MID1: variants seen among roughly 807,000 people sequenced by gnomAD.
MID1 encodes E3 ubiquitin-protein ligase Midline-1.
In MID1, 7 loss-of-function variants were observed where a neutral mutation model predicts 40.4. The ratio of observed to expected loss-of-function variants is 0.17; its 90% CI spans 0.10 to 0.33. The LOEUF (loss-of-function observed/expected upper bound fraction) is 0.33. Among genes scored for constraint, MID1 ranks in the 10% least tolerant of loss-of-function variants. MID1 has a pLI of 1.00. For synonymous variants in MID1, 229 were observed against 221.2 expected (o/e 1.04, Z -0.31); for missense variants, 367 against 558.5 (o/e 0.66, Z 3.46).
At chrX:10,581,272 AAAACAAAC>A (rs201915419) in intron 1 of MID1, among the ~76,000 whole-genome samples, 11 of 111,508 alleles carry the variant, frequency 9.9e-5, no homozygotes, top group Non-Finnish European at 1.5e-4. Context: ...ACAAAAACAA[AAAACAAAC>A]AAACAAACAA....
intron 1 of MID1, among the ~76,000 whole-genome samples, chrX:10,601,851 G>T (rs1297196973): frequency 9.1e-6 from 1 of 109,857 alleles, no homozygotes. Flanking sequence ...TATTCTGCTT[G>T]TTCCCTTTGG....
chrX:10,533,340 GAAA>G (rs1933063981), intron 2 of MID1, among the ~76,000 whole-genome samples: 2 of 60,549 alleles, frequency 3.3e-5, no homozygotes, highest in Non-Finnish European at 6.0e-5. Flanking sequence ...AAGAAAGAAA[GAAA>G]GAAAGAAAGA....
chrX:10,812,998 T>C (rs2044112415), intron 1 of MID1, among the ~76,000 whole-genome samples: 2 of 111,465 alleles, frequency 1.8e-5, no homozygotes, highest in Admixed American at 9.5e-5. Flanking sequence ...CTGAGTCTAC[T>C]GGGATAACAT....
intron 3 of MID1, 28 bp from the exon 4 acceptor site, chrX:10,495,719 T>C (rs1309381962): frequency 5.7e-6 from 6 of 1,048,013 alleles, no homozygotes; most frequent in Non-Finnish European, 6.7e-6. Context: ...TGGTAAGTGT[T>C]AATTTGGCCT....
At chrX:10,591,250 G>T (rs1304997895) in intron 1 of MID1, among the ~76,000 whole-genome samples, 2 of 111,975 alleles carry the variant, frequency 1.8e-5, no homozygotes, top group Non-Finnish European at 3.8e-5. Flanking sequence ...TTTCATTTTT[G>T]AAAAAACAAA....
intron 1 of MID1, among the ~76,000 whole-genome samples, chrX:10,780,067 G>T (rs1167819715): frequency 1.8e-5 from 2 of 110,193 alleles, no homozygotes; most frequent in East Asian, 5.7e-4. Context: ...CCAGGTTCAA[G>T]CGATTCTCCT....
At chrX:10,540,053 T>C (rs1429845082) in intron 2 of MID1, among the ~76,000 whole-genome samples, 1 of 111,985 alleles carries the variant, frequency 8.9e-6, no homozygotes, top group African/African-American at 3.2e-5. Context: ...ATATAAAAGT[T>C]AGCTGGCTGT....
intron 1 of MID1, among the ~76,000 whole-genome samples, chrX:10,613,732 T>TATATATATATAG (rs1482081086): frequency 3.4e-4 from 6 of 17,472 alleles, no homozygotes; most frequent in Admixed American, 8.9e-4. Flanking sequence ...TATATATATA[T>TATATATATATAG]AGAGAGAGAG....
chrX:10,619,450 G>A (rs1038834414), intron 1 of MID1, among the ~76,000 whole-genome samples: 17 of 112,612 alleles, frequency 1.5e-4, no homozygotes, highest in Non-Finnish European at 3.8e-5. Flanking sequence ...CCTTATATGA[G>A]TATTGTTCTT....
intron 2 of MID1, chrX:10,565,042 AAATT>A (rs1934476450): frequency 1.7e-5 from 4 of 241,473 alleles, no homozygotes; most frequent in Admixed American, 1.5e-4. Flanking sequence ...TGGTTTGTAA[AAATT>A]AATAGCCTTC....
intron 1 of MID1, among the ~76,000 whole-genome samples, chrX:10,785,881 T>C (rs1314937747): frequency 4.4e-4 from 49 of 111,748 alleles, no homozygotes; most frequent in African/African-American, 1.5e-3. Flanking sequence ...AAAACCTAGG[T>C]ATTACCATTC....
At chrX:10,548,628 C>T (rs970819646) in intron 2 of MID1, among the ~76,000 whole-genome samples, 6 of 111,751 alleles carry the variant, frequency 5.4e-5, no homozygotes, top group African/African-American at 1.9e-4. Context: ...GGAAAATGAC[C>T]AGATCCAGTG....
chrX:10,532,138 C>G (rs956875339), intron 2 of MID1, among the ~76,000 whole-genome samples: 1 of 111,650 alleles, frequency 9.0e-6, no homozygotes, highest in Non-Finnish European at 1.9e-5. Flanking sequence ...GCTCATTTGC[C>G]CTTGTTCAAC....
In MID1 at chrX:10,593,762, G is replaced by GACACACACACAC. The variant is rs57390547; in HGVS notation, c.-56-26171_-56-26160dup. ...TCTCTACCTCTGTCTCTGTCCCTCT[G>GACACACACACAC]ACACACACACACACACACACACACA... On this transcript the variant is annotated intron_variant, in intron 1 of 9. Coordinates refer to ENST00000317552, the MANE Select transcript of MID1 (RefSeq NM_000381.4). Among the ~76,000 whole-genome samples the GACACACACACAC allele has an allele frequency of 2.9e-3, 242 of 83,328 alleles. 1 individual carries two copies. Among genetic ancestry groups the GACACACACACAC allele is most frequent in the African/African-American group, 8.3e-3 (189 of 22,834 alleles). The allele number at this position is 83,328 out of a possible 115,157, so 72.4% of individuals were successfully genotyped here. A position where few individuals can be genotyped will look rare whatever the true frequency, so the allele number is the denominator to read the frequency against.
chrX:10,553,045 C>T (rs1933977272), intron 2 of MID1, among the ~76,000 whole-genome samples: 1 of 110,352 alleles, frequency 9.1e-6, no homozygotes, highest in Admixed American at 9.7e-5. Flanking sequence ...GTCAGGAGTT[C>T]GAGATCAGCC....
intron 2 of MID1, among the ~76,000 whole-genome samples, chrX:10,534,106 A>T (rs1046288236): frequency 1.8e-5 from 2 of 110,755 alleles, no homozygotes; most frequent in African/African-American, 6.6e-5. Flanking sequence ...ATACTGATGG[A>T]TGTCATACAT....
At chrX:10,698,202 C>G (rs1175493102) in intron 1 of MID1, among the ~76,000 whole-genome samples, 1 of 112,067 alleles carries the variant, frequency 8.9e-6, no homozygotes, top group African/African-American at 3.2e-5. Context: ...ACCATTTACT[C>G]TGGTCACATG....
intron 7 of MID1, among the ~76,000 whole-genome samples, chrX:10,460,686 C>T (rs1028895362): frequency 9.0e-6 from 1 of 110,771 alleles, no homozygotes; most frequent in Non-Finnish European, 1.9e-5. Context: ...GGGCCCCCTC[C>T]ACTTCCAGAG....
chrX:10,783,675 A>G (rs1175223718), intron 1 of MID1, among the ~76,000 whole-genome samples: 1 of 112,548 alleles, frequency 8.9e-6, no homozygotes, highest in Non-Finnish European at 1.9e-5. Context: ...GAATGTTAAC[A>G]TACACAATTT....
Sources: allele counts gnomAD v4.1 joint callset (sites outside exome capture counted in the v4.1 genomes callset), GRCh38; gene constraint gnomAD v4.1.1; transcripts MANE v1.5; gene names NCBI Gene and HGNC (gene_info 2026-07-23, HGNC 2026-07-21).